The following ZNF782 variants were observed in gnomAD, a reference collection of about 807,000 sequenced individuals.
The protein encoded by ZNF782 is zinc finger protein 782.
Under a neutral mutation model 13.0 loss-of-function variants are expected in ZNF782, and 12 were observed. That is an observed-to-expected ratio of 0.92 (90% confidence interval 0.59 to 1.50). ZNF782 has a LOEUF of 1.50. Ranked by LOEUF, ZNF782 falls within the 40% of genes most tolerant of loss-of-function variation. The pLI, the probability that ZNF782 is intolerant of heterozygous loss-of-function variation, is 0.00. For missense variants in ZNF782, 770 were observed against 822.9 expected (o/e 0.94, Z 0.79); for synonymous variants, 284 against 283.0 (o/e 1.00, Z -0.04).
intron 4 of ZNF782, among the ~76,000 whole-genome samples, chr9:96,839,277 C>CTTTTT (rs201411107): frequency 4.9e-4 from 49 of 100,240 alleles, no homozygotes; most frequent in African/African-American, 7.2e-4. Flanking sequence ...TTACTTGGGA[C>CTTTTT]TTTTTTTTTT....
At chr9:96,893,304 A>G in the ZNF782 span, 1 of 152,250 alleles carries the variant, frequency 6.6e-6, no homozygotes, top group African/African-American at 2.4e-5. Flanking sequence ...CTTTCTTATC[A>G]TATCAAAAGC....
chr9:96,843,419 TCAA>T (rs925076014), intron 4 of ZNF782, among the ~76,000 whole-genome samples: 1 of 152,182 alleles, frequency 6.6e-6, no homozygotes, highest in African/African-American at 2.4e-5. Flanking sequence ...AAAGCCAGTC[TCAA>T]CACGTCAAAT....
chr9:96,856,145 A>G (rs1271087176), upstream of ZNF782, among the ~76,000 whole-genome samples: 1 of 151,808 alleles, frequency 6.6e-6, no homozygotes, highest in East Asian at 1.9e-4. Context: ...TAGATTCTGG[A>G]TATTAGTCCT....
chr9:96,901,701 C>T, the ZNF782 span, among the ~76,000 whole-genome samples: 5 of 150,916 alleles, frequency 3.3e-5, no homozygotes, highest in Admixed American at 6.6e-5. Context: ...GGTGAAACAT[C>T]GTCTCTACTA....
chr9:96,903,408 T>C, the ZNF782 span, among the ~76,000 whole-genome samples: 1 of 151,760 alleles, frequency 6.6e-6, no homozygotes, highest in African/African-American at 2.4e-5. Flanking sequence ...ATTCACTGTA[T>C]GGATGTACCA....
At chr9:96,901,925 T>C in the ZNF782 span, among the ~76,000 whole-genome samples, 2 of 148,694 alleles carry the variant, frequency 1.3e-5, no homozygotes. Flanking sequence ...ATTATGACTA[T>C]ATATCATAAT....
chr9:96,860,131 G>A (rs1265697645), intron 3 of ZNF782: 2 of 152,112 alleles, frequency 1.3e-5, no homozygotes, highest in Admixed American at 6.5e-5. Flanking sequence ...AGATTTATAA[G>A]GTTTATGACT....
chr9:96,903,914 A>G, the ZNF782 span, among the ~76,000 whole-genome samples: 1,088 of 151,972 alleles, frequency 7.2e-3, 28 homozygotes, highest in African/African-American at 0.025. Context: ...GGTGGGTCAT[A>G]TAGTAAGTAT....
chr9:96,823,224 A>C (rs1850485265), intron 5 of ZNF782, among the ~76,000 whole-genome samples: 1 of 152,224 alleles, frequency 6.6e-6, no homozygotes, highest in Non-Finnish European at 1.5e-5. Context: ...GCTGTGTTCT[A>C]GAAAAATATT....
chr9:96,883,019 C>T, the ZNF782 span, among the ~76,000 whole-genome samples: 1 of 151,898 alleles, frequency 6.6e-6, no homozygotes, highest in South Asian at 2.1e-4. Flanking sequence ...GAAGAATGGA[C>T]AATAGGAGAT....
At chr9:96,851,648 CATTAT>C (rs1851490065) in intron 3 of ZNF782, among the ~76,000 whole-genome samples, 1 of 152,104 alleles carries the variant, frequency 6.6e-6, no homozygotes, top group Non-Finnish European at 1.5e-5. Flanking sequence ...TTAGAAAATC[CATTAT>C]ATTATTCACA....
At chr9:96,819,886 T>A in intron 5 of ZNF782, 108 bp from the exon 6 acceptor site, 1 of 902,836 alleles carries the variant, frequency 1.1e-6, no homozygotes, top group Non-Finnish European at 1.5e-6. Context: ...CCTTAGTTTC[T>A]GGCTCAGTTT....
upstream of ZNF782, among the ~76,000 whole-genome samples, chr9:96,857,207 A>G (rs1303996647): frequency 6.6e-6 from 1 of 152,212 alleles, no homozygotes; most frequent in East Asian, 1.9e-4. Flanking sequence ...TTAAATCCAC[A>G]CTGGGCCTGT....
At chr9:96,835,690 G>A (rs142447791) in intron 4 of ZNF782, among the ~76,000 whole-genome samples, 6 of 152,314 alleles carry the variant, frequency 3.9e-5, no homozygotes, top group Middle Eastern at 3.4e-3. Context: ...CTTGGGGTCC[G>A]TGTAGTGTTA....
chr9:96,891,112 A>C, the ZNF782 span: 1 of 152,228 alleles, frequency 6.6e-6, no homozygotes, highest in Non-Finnish European at 1.5e-5. Flanking sequence ...AGAGGTTACC[A>C]GAGAGTGGGG....
the ZNF782 span, among the ~76,000 whole-genome samples, chr9:96,885,010 A>G: frequency 2.1e-4 from 32 of 152,346 alleles, no homozygotes; most frequent in Admixed American, 8.5e-4. Context: ...AAATGCCTCA[A>G]CAAGCAATTG....
At chr9:96,884,501 C>T in the ZNF782 span, among the ~76,000 whole-genome samples, 1 of 152,194 alleles carries the variant, frequency 6.6e-6, no homozygotes, top group African/African-American at 2.4e-5. Context: ...CCCTCCACTC[C>T]TACTCATAGC....
the ZNF782 span, among the ~76,000 whole-genome samples, chr9:96,883,887 C>T: frequency 6.6e-6 from 1 of 152,138 alleles, no homozygotes; most frequent in African/African-American, 2.4e-5. Context: ...ATGGACAGGG[C>T]ACTACAGAAA....
the ZNF782 span, among the ~76,000 whole-genome samples, chr9:96,920,122 T>C: frequency 2.0e-5 from 3 of 149,736 alleles, no homozygotes; most frequent in Non-Finnish European, 3.0e-5. Flanking sequence ...CAAAAGAAAA[T>C]GTGAAGTTTT....
Sources: gnomAD v4.1 joint callset for allele counts (sites outside exome capture counted in the v4.1 genomes callset) on GRCh38, gnomAD v4.1.1 for gene constraint, MANE v1.5 for transcripts, NCBI Gene and HGNC (gene_info 2026-07-23, HGNC 2026-07-21) for gene names.